Variants in SLC7A6 observed in about 807,000 individuals in gnomAD.
SLC7A6 encodes the protein solute carrier family 7 member 6.
A neutral mutation model predicts 46.6 loss-of-function variants in SLC7A6; 29 were observed. The ratio of observed to expected loss-of-function variants is 0.62; its 90% CI spans 0.46 to 0.85. The LOEUF (loss-of-function observed/expected upper bound fraction) is 0.85. Ranked by LOEUF, SLC7A6 falls within the 40% of genes least tolerant of loss-of-function variation. SLC7A6 has a pLI of 0.00. For missense variants in SLC7A6, 527 were observed against 647.6 expected, an observed-to-expected ratio of 0.81 and a Z score of 2.02; for synonymous variants, 276 against 257.3, an observed-to-expected ratio of 1.07 and a Z score of -0.70.
rs554454127 is a variant in SLC7A6, at chr16:68,287,549, T to C, written c.524-197T>C. 9.0e-5 allele frequency: 130 copies of C among 1,442,288 alleles called. 1 individual carries two copies. In the East Asian group the frequency reaches 3.3e-3, roughly 37 times the overall value. 89.3% of individuals were successfully genotyped at this position (1,442,288 alleles called of 1,614,324 possible). On this transcript the variant is annotated intron_variant, in intron 3 of 10. Coordinates refer to ENST00000219343, the MANE Select transcript of SLC7A6 (RefSeq NM_003983.6). ...CCTTCATATCCTTGAGCACCAGTAG[T>C]GATGGAAGTGCCTGTGTGCTGTCAG...
intron 3 of SLC7A6, among the ~76,000 whole-genome samples, chr16:68,276,995 C>T (rs2042722781): frequency 6.7e-6 from 1 of 149,122 alleles, no homozygotes; most frequent in Non-Finnish European, 1.5e-5. Context: ...ACCCTGTCTC[C>T]AAACAAAACA....
chr16:68,295,326 A>G (rs977055170), intron 8 of SLC7A6, among the ~76,000 whole-genome samples: 2 of 152,074 alleles, frequency 1.3e-5, no homozygotes, highest in Middle Eastern at 3.2e-3. Flanking sequence ...ATATTCGTTT[A>G]TTTGTCTTGA....
In SLC7A6 at chr16:68,301,249, A is replaced by C. The variant is rs754351170; in HGVS notation, c.*3921A>C. 2 of 1,610,552 alleles carry C rather than the reference A, an allele frequency of 1.2e-6. No individual in the cohort carries two copies. The highest frequency in any genetic ancestry group is 1.7e-6 in the Non-Finnish European group (2 of 1,177,706). On this transcript the variant is annotated 3_prime_UTR_variant, in exon 11 of 11. Transcript: ENST00000219343. ...CTCAGAGCCCTCAAGGGCATGTGGC[A>C]GAACCTCATGGACATCACAAGACCA...
rs2043192799 is a variant in SLC7A6, at chr16:68,297,434, C to A, written c.*106C>A. 4 of 921,714 alleles carry A rather than the reference C, an allele frequency of 4.3e-6. No individual in the cohort carries two copies. The highest frequency in any genetic ancestry group is 6.7e-6 in the Non-Finnish European group (4 of 599,646). The allele number at this position is 921,714 out of a possible 1,614,324, so 57.1% of individuals were successfully genotyped here. A position where few individuals can be genotyped will look rare whatever the true frequency, so the allele number is the denominator to read the frequency against. ...TCCTGAATTAAAGGAGCCTTTTGAC[C>A]CAATCATATAGTGGGGCTCAGGGCC... On this transcript the variant is annotated 3_prime_UTR_variant, in exon 11 of 11. Transcript: ENST00000219343.
chr16:68,274,811 A>T lies in SLC7A6; in HGVS notation c.85A>T (p.Ser29Cys). Residue 29 changes from serine (S) to cysteine (C), a missense_variant, in exon 3 of 11, where the codon AGC becomes TGC. Coordinates refer to ENST00000219343, the MANE Select transcript of SLC7A6 (RefSeq NM_003983.6). The stretch of plus-strand genomic sequence containing the variant: ...CCAGTCCCAGGTGGAAGAAGATGTC[A>T]GCTCGCCACCTCAAAGGTCCTCCGA... ...TSQSQVEEDV[S>C]SPPQRSSETM... The T allele has an allele frequency of 6.2e-7, 1 of 1,614,192 alleles. No homozygotes were observed. The highest frequency in any genetic ancestry group is 1.3e-5 in the African/African-American group (1 of 75,062).
At chr16:68,290,723 C>A in intron 5 of SLC7A6, 183 bp downstream of exon 5, 1 of 712,452 alleles carries the variant, frequency 1.4e-6, no homozygotes, top group Non-Finnish European at 2.3e-6. Flanking sequence ...GGAAAGCCTT[C>A]GGCTCCCTGT....
intron 2 of SLC7A6, chr16:68,272,978 C>T (rs1270502425): frequency 6.6e-6 from 1 of 152,230 alleles, no homozygotes; most frequent in East Asian, 1.9e-4. Flanking sequence ...AGGAAACCTG[C>T]ATGGCTTGGT....
At chr16:68,283,595 C>CAA (rs56304605) in intron 3 of SLC7A6, among the ~76,000 whole-genome samples, 1 of 151,768 alleles carries the variant, frequency 6.6e-6, no homozygotes, top group Non-Finnish European at 1.5e-5. Flanking sequence ...AAGGGAAGAA[C>CAA]AGATAGAGGA....
chr16:68,301,016 C>T lies in SLC7A6; in HGVS notation c.*3688C>T, dbSNP rs1044872626. The stretch of plus-strand genomic sequence containing the variant: ...AGAAGCTAAAGCTAAAGAAACCTTC[C>T]TTTTTTCAACGTTTTTTTTTCTTTC... On this transcript the variant is annotated 3_prime_UTR_variant, in exon 11 of 11. Transcript: ENST00000219343. 3 of 1,130,392 alleles carry T rather than the reference C, an allele frequency of 2.7e-6. No homozygotes were observed. Among genetic ancestry groups the T allele is most frequent in the South Asian group, 8.4e-5 (2 of 23,774 alleles). 70.0% of individuals were successfully genotyped at this position (1,130,392 alleles called of 1,614,324 possible).
At chr16:68,293,260 A>C (rs2043093852) in intron 7 of SLC7A6, among the ~76,000 whole-genome samples, 1 of 152,158 alleles carries the variant, frequency 6.6e-6, no homozygotes, top group African/African-American at 2.4e-5. Context: ...TACTAAAAAT[A>C]CAAAAAAAGA....
At chr16:68,275,867 T>G (rs1175834319) in intron 3 of SLC7A6, among the ~76,000 whole-genome samples, 1 of 152,072 alleles carries the variant, frequency 6.6e-6, no homozygotes, top group African/African-American at 2.4e-5. Context: ...GACAGCTGTT[T>G]CGATTGAAGT....
chr16:68,290,316 T>C, intron 4 of SLC7A6, 80 bp from the exon 5 acceptor site: 4 of 1,471,514 alleles, frequency 2.7e-6, no homozygotes, highest in Non-Finnish European at 2.8e-6. Flanking sequence ...TATCTTTCTC[T>C]TACACCTCCC....
At chr16:68,291,859 C>T (rs1189096853) in intron 7 of SLC7A6, 198 bp downstream of exon 7, 9 of 562,154 alleles carry the variant, frequency 1.6e-5, no homozygotes, top group Non-Finnish European at 2.8e-5. Flanking sequence ...GCTGGTAGCT[C>T]ATGTTTCCAT....
intron 3 of SLC7A6, among the ~76,000 whole-genome samples, chr16:68,283,743 C>T (rs1438312544): frequency 2.0e-5 from 3 of 152,196 alleles, no homozygotes; most frequent in African/African-American, 7.2e-5. Flanking sequence ...GTGGGTCCCA[C>T]GCTCCTTGGT....
chr16:68,278,378 A>G (rs1291349887), intron 3 of SLC7A6, among the ~76,000 whole-genome samples: 1 of 151,412 alleles, frequency 6.6e-6, no homozygotes, highest in Non-Finnish European at 1.5e-5. Context: ...TCATAGGACA[A>G]TAGTGGAGGG....
intron 2 of SLC7A6, among the ~76,000 whole-genome samples, chr16:68,267,181 C>T (rs553134651): frequency 1.3e-5 from 2 of 148,964 alleles, no homozygotes; most frequent in Admixed American, 6.7e-5. Context: ...GCAATCTGCC[C>T]GTCTCAGCCT....
In SLC7A6 at chr16:68,297,321, C is replaced by T. The variant is rs1485535531; in HGVS notation, c.1541C>T (p.Thr514Ile). 5.0e-6 allele frequency: 8 copies of T among 1,614,018 alleles called. No individual in the cohort carries two copies. The highest frequency in any genetic ancestry group is 6.8e-6 in the Non-Finnish European group (8 of 1,180,008). The change falls in exon 11 of 11, where the codon ACT becomes ATT. Residue 514 changes from threonine to isoleucine, a missense_variant. By Grantham distance (89) the Thr-to-Ile change is moderately conservative. Transcript: ENST00000219343. ...GAAGAAAAAAAGGATGAGAGGAAAA[C>T]TGACTAGAGGTCAGAGGTGGCTTTC... ...VAEEKKDERK[T>I]D
intron 3 of SLC7A6, among the ~76,000 whole-genome samples, chr16:68,286,091 CAAAAA>C (rs1165671231): frequency 4.5e-5 from 2 of 44,234 alleles, no homozygotes; most frequent in Non-Finnish European, 8.8e-5. Context: ...GACCCTGTCT[CAAAAA>C]AAAAAAAAAA....
chr16:68,287,922 G>GGA (rs1406175772), intron 4 of SLC7A6, 51 bp downstream of exon 4: 1 of 1,599,208 alleles, frequency 6.3e-7, no homozygotes, highest in African/African-American at 1.3e-5. Flanking sequence ...GATTCCCTGA[G>GGA]GAGAACATGG....
Sources: gnomAD v4.1 joint callset for allele counts (sites outside exome capture counted in the v4.1 genomes callset) on GRCh38, gnomAD v4.1.1 for gene constraint, MANE v1.5 for transcripts, NCBI Gene and HGNC (gene_info 2026-07-23, HGNC 2026-07-21) for gene names.